NLRC5: variants seen among roughly 807,000 people sequenced by gnomAD.
NLRC5 encodes the protein NLR family CARD domain containing 5, also known as protein NLRC5.
Under a neutral mutation model 206.9 loss-of-function variants are expected in NLRC5, and 114 were observed. The ratio of observed to expected loss-of-function variants is 0.55; its 90% CI spans 0.47 to 0.64. The LOEUF is 0.64. Ranked by LOEUF, NLRC5 falls within the 30% of genes least tolerant of loss-of-function variation. The probability of loss-of-function intolerance (pLI) is 0.00; values close to 1 mark genes in which losing one functional copy is unlikely to be tolerated. For missense variants in NLRC5, 2,008 were observed against 2,305.5 expected (o/e 0.87, Z 2.64); for synonymous variants, 952 against 962.8 (o/e 0.99, Z 0.21).
intron 19 of NLRC5, 55 bp downstream of exon 19, chr16:57,042,120 C>A: frequency 8.9e-7 from 1 of 1,128,642 alleles, no homozygotes; most frequent in Non-Finnish European, 1.2e-6. Context: ...GGAGCATTCT[C>A]TGTCCCATCC....
rs1257113721 is a variant in NLRC5 at position 57,002,656 on chromosome 16, T to G, written c.-128+13039T>G. ...TTTAGTTTTTTTTTGTTTTTTTTTT[T>G]TTTTTGAGACAGAGTCTCACTCTGT... On this transcript the variant is annotated intron_variant, in intron 1 of 48. Coordinates refer to ENST00000688547, the MANE Select transcript of NLRC5 (RefSeq NM_001384950.1). Among the ~76,000 whole-genome samples, 3 of 147,704 alleles carry G rather than the reference T, an allele frequency of 2.0e-5. No homozygotes were observed. In the South Asian group the frequency reaches 6.5e-4, roughly 32 times the overall value.
chr16:56,992,855 G>A (rs116889966), intron 1 of NLRC5, among the ~76,000 whole-genome samples: 6,577 of 147,834 alleles, frequency 0.044, 225 homozygotes, highest in South Asian at 0.11. Context: ...GGAATTATGC[G>A]TTAAAGGGAA....
At chr16:57,058,859 C>A in intron 28 of NLRC5, 113 bp from the exon 29 acceptor site, 1 of 887,276 alleles carries the variant, frequency 1.1e-6, no homozygotes, top group Non-Finnish European at 1.9e-6. Context: ...GATGCTTAGA[C>A]ATGGAGGCTT....
chr16:57,043,433 T>C, intron 19 of NLRC5, 82 bp from the exon 20 acceptor site: 1 of 916,322 alleles, frequency 1.1e-6, no homozygotes, highest in Non-Finnish European at 1.8e-6. Flanking sequence ...CAGGGATCCC[T>C]CCCCCGCCCT....
At chr16:57,000,288 AG>A in intron 1 of NLRC5, among the ~76,000 whole-genome samples, 1 of 152,016 alleles carries the variant, frequency 6.6e-6, no homozygotes, top group African/African-American at 2.4e-5. Context: ...GTCCTGGAGG[AG>A]GGTGCATCTG....
At chr16:57,059,088 C>T in intron 29 of NLRC5, 27 bp downstream of exon 29, 1 of 1,613,388 alleles carries the variant, frequency 6.2e-7, no homozygotes, top group Non-Finnish European at 8.5e-7. Context: ...CCCCGAAAAG[C>T]CCCTTTCTGC....
chr16:57,064,790 G>A (rs1187500532), intron 32 of NLRC5, among the ~76,000 whole-genome samples: 1 of 152,130 alleles, frequency 6.6e-6, no homozygotes, highest in Non-Finnish European at 1.5e-5. Context: ...CAGGCGTGGT[G>A]GCGCATGCCT....
At chr16:57,055,132 T>C in intron 26 of NLRC5, 38 bp downstream of exon 26, 1 of 1,609,932 alleles carries the variant, frequency 6.2e-7, no homozygotes, top group East Asian at 2.2e-5. Context: ...AGCTAGTTGA[T>C]GTTGGGGACC....
chr16:57,000,508 C>T (rs2058118784), intron 1 of NLRC5, among the ~76,000 whole-genome samples: 1 of 152,118 alleles, frequency 6.6e-6, no homozygotes, highest in African/African-American at 2.4e-5. Flanking sequence ...AATTTGAGTG[C>T]AGGCTCAGGA....
chr16:57,069,145 A>T (rs985503495), intron 36 of NLRC5, among the ~76,000 whole-genome samples: 7 of 152,220 alleles, frequency 4.6e-5, no homozygotes, highest in Non-Finnish European at 1.0e-4. Context: ...ATGTGGGGAG[A>T]TACTTTAAGA....
chr16:57,053,398 G>T (rs1214162003), intron 24 of NLRC5, among the ~76,000 whole-genome samples: 3 of 152,204 alleles, frequency 2.0e-5, no homozygotes, highest in African/African-American at 4.8e-5. Flanking sequence ...ACAGTGACTG[G>T]CAGGGACAGT....
At position 57,079,304 on chromosome 16, in the gene NLRC5, C is replaced by T. The variant is rs1392021431; in HGVS notation, c.5237+12C>T. The T allele has an allele frequency of 1.9e-5, 31 of 1,612,936 alleles. No individual in the cohort carries two copies. The highest frequency in any genetic ancestry group is 3.3e-5 in the South Asian group (3 of 91,088). On this transcript the variant is annotated intron_variant, in intron 45 of 48. Transcript: ENST00000688547. ...CTCAGACAGATAGAGTAAGTAGCCTCCCCTGCCTGCCTAGGGGACCAGTGG... is the reference window on the plus strand; with the variant it reads ...CTCAGACAGATAGAGTAAGTAGCCTTCCCTGCCTGCCTAGGGGACCAGTGG...
chr16:57,004,520 T>C (rs777729332), intron 1 of NLRC5: 3 of 152,404 alleles, frequency 2.0e-5, no homozygotes, highest in Admixed American at 6.5e-5. Flanking sequence ...GGGATGCTGA[T>C]AGCAAGTTCA....
chr16:57,073,394 A>G (rs2068007533), intron 38 of NLRC5, among the ~76,000 whole-genome samples: 3 of 152,144 alleles, frequency 2.0e-5, no homozygotes, highest in Admixed American at 1.3e-4. Context: ...TTCCAGCTGT[A>G]TACCTGTGAT....
chr16:57,001,747 A>G (rs2058285475), intron 1 of NLRC5, among the ~76,000 whole-genome samples: 1 of 152,216 alleles, frequency 6.6e-6, no homozygotes, highest in Non-Finnish European at 1.5e-5. Flanking sequence ...TTTGTGTTGC[A>G]AACAATTCAA....
intron 1 of NLRC5, chr16:57,013,655 A>G (rs947508250): frequency 1.3e-5 from 12 of 931,318 alleles, no homozygotes; most frequent in African/African-American, 8.1e-5. Context: ...AACTTCAGCC[A>G]TTTGAATCTT....
At chr16:57,078,924 C>G (rs571652330) in intron 43 of NLRC5, 126 bp from the exon 44 acceptor site, 10 of 826,130 alleles carry the variant, frequency 1.2e-5, no homozygotes, top group Non-Finnish European at 2.0e-5. Flanking sequence ...TACCCAGGTC[C>G]TGTGTGGATG....
rs755157180 is a variant in NLRC5, at chr16:57,067,801, T to C, written c.4472T>C (p.Leu1491Pro). The change falls in exon 36 of 49, where the codon CTG becomes CCG. Residue 1491 changes from leucine to proline, a missense_variant. By Grantham distance (98) the Leu-to-Pro change is moderately conservative. Transcript: ENST00000688547. ...TCCCTGCTGCTGCAGAGCCTCCTGC[T>C]GTCCCTCTCTGAGCTGAAGACATTT... ...ASSLLLQSLL[L>P]SLSELKTFRL... 1.9e-5 allele frequency: 31 copies of C among 1,614,092 alleles called. No individual in the cohort carries two copies. Among genetic ancestry groups the C allele is most frequent in the Non-Finnish European group, 2.2e-5 (26 of 1,180,022 alleles).
intron 10 of NLRC5, among the ~76,000 whole-genome samples, chr16:57,031,117 G>GA (rs553906341): frequency 0.065 from 9,373 of 144,252 alleles, 307 homozygotes; most frequent in South Asian, 0.085. Context: ...AAAAAGAAAG[G>GA]AAAAAAAAAA....
Sources: gnomAD v4.1 joint callset for allele counts (sites outside exome capture counted in the v4.1 genomes callset) on GRCh38, gnomAD v4.1.1 for gene constraint, MANE v1.5 for transcripts, NCBI Gene and HGNC (gene_info 2026-07-23, HGNC 2026-07-21) for gene names.